The following SHC3 variants were observed in gnomAD, a reference collection of about 807,000 sequenced individuals.
SHC3 encodes SHC adaptor protein 3.
Under a neutral mutation model 60.4 loss-of-function variants are expected in SHC3, and 15 were observed. That is an observed-to-expected ratio of 0.25 (90% CI 0.17 to 0.38). The LOEUF (loss-of-function observed/expected upper bound fraction) is 0.38, where lower values mean the gene tolerates loss of function less well. SHC3 is among the 10% of genes least tolerant of loss of function. The pLI, the probability that SHC3 is intolerant of heterozygous loss-of-function variation, is 1.00. For synonymous variants in SHC3, 294 were observed against 325.9 expected (o/e 0.90, Z 1.05); for missense variants, 677 against 786.1 (o/e 0.86, Z 1.66).
chr9:89,022,714 T>C (rs937637069), intron 11 of SHC3, among the ~76,000 whole-genome samples: 1 of 152,140 alleles, frequency 6.6e-6, no homozygotes, highest in South Asian at 2.1e-4. Flanking sequence ...CACCTCCTTA[T>C]GAAAAATCAT....
intron 4 of SHC3, among the ~76,000 whole-genome samples, chr9:89,073,209 G>T (rs1825301974): frequency 6.6e-6 from 1 of 152,132 alleles, no homozygotes; most frequent in Admixed American, 6.5e-5. Context: ...ACTGGAGTTT[G>T]GAAATTAAAT....
chr9:89,102,117 C>T (rs1474037332), intron 2 of SHC3, among the ~76,000 whole-genome samples: 1 of 152,054 alleles, frequency 6.6e-6, no homozygotes, highest in Non-Finnish European at 1.5e-5. Flanking sequence ...CAAGTTTAAC[C>T]TAATGCCCCT....
At chr9:89,138,890 A>C (rs1826355549) in intron 1 of SHC3, among the ~76,000 whole-genome samples, 1 of 152,208 alleles carries the variant, frequency 6.6e-6, no homozygotes. Context: ...AGGGTGATTC[A>C]TGACTCTTGA....
At chr9:89,103,392 C>T (rs117209399) in intron 2 of SHC3, among the ~76,000 whole-genome samples, 286 of 152,140 alleles carry the variant, frequency 1.9e-3, no homozygotes, top group Non-Finnish European at 3.3e-3. Flanking sequence ...AGATGGGAGC[C>T]GAGCCTGACC....
At chr9:89,061,517 A>G (rs1330693612) in intron 6 of SHC3, among the ~76,000 whole-genome samples, 1 of 152,178 alleles carries the variant, frequency 6.6e-6, no homozygotes, top group Non-Finnish European at 1.5e-5. Context: ...GTTCTCCAGA[A>G]AATCTTGGGA....
At position 89,013,395 on chromosome 9, in the gene SHC3, A is replaced by G; in HGVS notation, c.*52T>C. On this transcript the variant is annotated 3_prime_UTR_variant, in exon 12 of 12. Coordinates refer to ENST00000375835, the MANE Select transcript of SHC3 (RefSeq NM_016848.6). ...GTTCCAGCAGCCCCGATTCTAGTCC[A>G]CTCCAGGTCCTCCTGACCTGGTGCG... 1 of 1,426,690 alleles carries G rather than the reference A, an allele frequency of 7.0e-7. No homozygotes were observed. Among genetic ancestry groups the G allele is most frequent in the Non-Finnish European group, 9.2e-7 (1 of 1,082,850 alleles). 88.4% of individuals were successfully genotyped at this position (1,426,690 alleles called of 1,614,324 possible).
At chr9:89,146,700 C>A (rs970342603) in intron 1 of SHC3, among the ~76,000 whole-genome samples, 1 of 152,004 alleles carries the variant, frequency 6.6e-6, no homozygotes, top group African/African-American at 2.4e-5. Context: ...AGAACTAGTG[C>A]CAGAAAAATA....
intron 4 of SHC3, among the ~76,000 whole-genome samples, chr9:89,073,251 T>C (rs1012180988): frequency 1.3e-5 from 2 of 152,190 alleles, no homozygotes; most frequent in Admixed American, 6.5e-5. Context: ...AAAATGAAAG[T>C]CATATTTGGT....
At chr9:89,100,512 C>T (rs577465860) in intron 2 of SHC3, among the ~76,000 whole-genome samples, 19 of 152,156 alleles carry the variant, frequency 1.2e-4, no homozygotes, top group Admixed American at 1.2e-3. Context: ...CTGGGAGCTA[C>T]CATGCCCATC....
At chr9:89,033,017 G>GC (rs990756339) in intron 11 of SHC3, among the ~76,000 whole-genome samples, 1,849 of 133,934 alleles carry the variant, frequency 0.014, 25 homozygotes, top group Middle Eastern at 0.04. Flanking sequence ...CAACAAAAAA[G>GC]CCCCCCCACC....
intron 1 of SHC3, among the ~76,000 whole-genome samples, chr9:89,120,042 A>G (rs577141843): frequency 6.6e-6 from 1 of 152,310 alleles, no homozygotes; most frequent in South Asian, 2.1e-4. Flanking sequence ...AGGTTGTGTA[A>G]GGCGTGTGTT....
At chr9:89,062,020 A>C (rs1410647505) in intron 6 of SHC3, among the ~76,000 whole-genome samples, 1 of 152,218 alleles carries the variant, frequency 6.6e-6, no homozygotes, top group African/African-American at 2.4e-5. Flanking sequence ...TTCAGGGAGT[A>C]CCAGAGGGCG....
rs1213796315 is a variant in SHC3, at chr9:89,037,291, ACT to A, written c.1656+700_1656+701del. On this transcript the variant is annotated intron_variant, in intron 11 of 11. Coordinates refer to ENST00000375835, the MANE Select transcript of SHC3 (RefSeq NM_016848.6). The stretch of plus-strand genomic sequence containing the variant: ...CAATGTTCTTAACTCCTATTAAATA[ACT>A]CTACCCTGCTTTGTTGTTTTCACTG... The A allele has an allele frequency of 5.3e-6, 3 of 560,842 alleles. No individual in the cohort carries two copies. In the African/African-American group the frequency reaches 5.7e-5, roughly 11 times the overall value. 34.7% of individuals were successfully genotyped at this position (560,842 alleles called of 1,614,324 possible).
chr9:89,080,505 C>A (rs890714293), intron 2 of SHC3, among the ~76,000 whole-genome samples: 4 of 152,040 alleles, frequency 2.6e-5, no homozygotes, highest in Non-Finnish European at 4.4e-5. Flanking sequence ...CTCACTACAG[C>A]CCATCCCAAG....
intron 1 of SHC3, among the ~76,000 whole-genome samples, chr9:89,145,232 A>G (rs1385572888): frequency 2.0e-5 from 3 of 152,226 alleles, no homozygotes; most frequent in African/African-American, 7.2e-5. Flanking sequence ...CTGAATAGGA[A>G]ATTCACAAAC....
chr9:89,145,529 A>G (rs1826456274), intron 1 of SHC3, among the ~76,000 whole-genome samples: 2 of 152,254 alleles, frequency 1.3e-5, no homozygotes, highest in Non-Finnish European at 2.9e-5. Flanking sequence ...CGATAAGATG[A>G]GTAAAAGAAA....
rs1227840402 is a variant in SHC3, at chr9:89,013,048, T to C, written c.*399A>G. ...TTCTATTCCCCTCCAGTTGTGCTTATTAGGTAAAACTGCAGGCTACACCTT... is the reference window on the plus strand; with the variant it reads ...TTCTATTCCCCTCCAGTTGTGCTTACTAGGTAAAACTGCAGGCTACACCTT... On this transcript the variant is annotated 3_prime_UTR_variant, in exon 12 of 12. Coordinates refer to ENST00000375835, the MANE Select transcript of SHC3 (RefSeq NM_016848.6). 1 of 153,246 alleles carries C rather than the reference T, an allele frequency of 6.5e-6. No individual in the cohort carries two copies. The highest frequency in any genetic ancestry group is 1.5e-5 in the Non-Finnish European group (1 of 68,844). 9.5% of individuals were successfully genotyped at this position (153,246 alleles called of 1,614,324 possible).
intron 11 of SHC3, among the ~76,000 whole-genome samples, chr9:89,032,427 A>T (rs1297807265): frequency 6.6e-6 from 1 of 152,224 alleles, no homozygotes; most frequent in Non-Finnish European, 1.5e-5. Context: ...ATTCAAATGC[A>T]AGCACAGTGC....
intron 7 of SHC3, among the ~76,000 whole-genome samples, chr9:89,048,979 C>G (rs563526270): frequency 1.3e-5 from 2 of 152,106 alleles, no homozygotes; most frequent in Non-Finnish European, 2.9e-5. Flanking sequence ...AATGATATGC[C>G]GGCCGGGCAC....
Sources: allele counts gnomAD v4.1 joint callset (sites outside exome capture counted in the v4.1 genomes callset), GRCh38; gene constraint gnomAD v4.1.1; transcripts MANE v1.5; gene names NCBI Gene and HGNC (gene_info 2026-07-23, HGNC 2026-07-21).